The following LRRC14 variants were observed in gnomAD, a reference collection of about 807,000 sequenced individuals.
The protein encoded by LRRC14 is leucine rich repeat containing 14.
A neutral mutation model predicts 25.3 loss-of-function variants in LRRC14; 16 were observed. That is an observed-to-expected ratio of 0.63 (90% CI 0.43 to 0.96). LRRC14 has a LOEUF of 0.96. Ranked by LOEUF, LRRC14 falls within the 40% of genes least tolerant of loss-of-function variation. The pLI is 0.00. For synonymous variants in LRRC14, 359 were observed against 295.1 expected (o/e 1.22, Z -2.22); for missense variants, 594 against 660.5 (o/e 0.90, Z 1.10).
In LRRC14 at chr8:144,521,300, A is replaced by G. The variant is rs769132507; in HGVS notation, c.1304A>G (p.Tyr435Cys). 6 of 1,613,000 alleles carry G rather than the reference A, an allele frequency of 3.7e-6. No homozygotes were observed. Among genetic ancestry groups the G allele is most frequent in the East Asian group, 2.2e-5 (1 of 44,878 alleles). The change falls in exon 4 of 4, where the codon TAT becomes TGT. Residue 435 changes from tyrosine (Y) to cysteine (C), a missense_variant. Tyr to Cys is a radical substitution (Grantham distance 194). Coordinates refer to ENST00000292524, the MANE Select transcript of LRRC14 (RefSeq NM_014665.4). ...TVVHPFPVDC[Y>C]EGLPWPPPAS... ...GTGCACCCCTTCCCTGTGGACTGCT[A>G]TGAGGGCTTGCCCTGGCCGCCGCCT...
Position 144,522,496 on chromosome 8 carries a change from GAC to G in LRRC14, c.*1019_*1020del. The G allele has an allele frequency of 6.7e-7, 1 of 1,495,848 alleles. No individual in the cohort carries two copies. The allele number at this position is 1,495,848 out of a possible 1,614,324, so 92.7% of individuals were successfully genotyped here. A position where few individuals can be genotyped will look rare whatever the true frequency, so the allele number is the denominator to read the frequency against. On this transcript the variant is annotated 3_prime_UTR_variant, in exon 4 of 4. Transcript: ENST00000292524. ...GGCCCTAGCAGTGGATCTCGTAGGC[GAC>G]CGGCGGGGGCACGCGGAGTCCCGGC...
chr8:144,522,500 GGCGGGGGCACGCGGA>G lies in LRRC14; in HGVS notation c.*1024_*1038del. The G allele has an allele frequency of 6.7e-7, 1 of 1,494,664 alleles. No homozygotes were observed. 92.6% of individuals were successfully genotyped at this position (1,494,664 alleles called of 1,614,324 possible). A position where few individuals can be genotyped will look rare whatever the true frequency, so the allele number is the denominator to read the frequency against. ...CTAGCAGTGGATCTCGTAGGCGACC[GGCGGGGGCACGCGGA>G]GTCCCGGCCCCGCCCCCTGTTCCGG... On this transcript the variant is annotated 3_prime_UTR_variant, in exon 4 of 4. Coordinates refer to ENST00000292524, the MANE Select transcript of LRRC14 (RefSeq NM_014665.4).
In LRRC14 at chr8:144,524,637, A is replaced by C; in HGVS notation, c.*3159A>C. On this transcript the variant is annotated 3_prime_UTR_variant, in exon 4 of 4. Transcript: ENST00000292524. ...CAGGGCGCGCAGGCTGTTGTTGTGC[A>C]GGTAGAGCCGGCGCAGAGCGGCGAG... The C allele has an allele frequency of 6.6e-7, 1 of 1,516,716 alleles. No homozygotes were observed. The highest frequency in any genetic ancestry group is 8.8e-7 in the Non-Finnish European group (1 of 1,140,778). The allele number at this position is 1,516,716 out of a possible 1,614,324, so 94.0% of individuals were successfully genotyped here.
Position 144,521,345 on chromosome 8 carries a change from C to T in LRRC14, c.1349C>T (p.Ala450Val), listed in dbSNP as rs767442883. The change falls in exon 4 of 4, where the codon GCC becomes GTC. Residue 450 changes from alanine (A) to valine (V), a missense_variant. Coordinates refer to ENST00000292524, the MANE Select transcript of LRRC14 (RefSeq NM_014665.4). Reference protein sequence around the residue: ...WPPPASVLLEASINEEKFARV... With the variant: ...WPPPASVLLEVSINEEKFARV... ...CCGCCTGCCTCTGTCCTGCTGGAGG[C>T]CTCCATCAATGAGGAGAAGTTTGCC... The T allele has an allele frequency of 1.9e-6, 3 of 1,613,014 alleles. No individual in the cohort carries two copies. The highest frequency in any genetic ancestry group is 1.1e-5 in the South Asian group (1 of 91,080).
At position 144,520,240 on chromosome 8, in the gene LRRC14, A is replaced by G; in HGVS notation, c.332A>G (p.Lys111Arg). 1 of 1,607,174 alleles carries G rather than the reference A, an allele frequency of 6.2e-7. No individual in the cohort carries two copies. Among genetic ancestry groups the G allele is most frequent in the Non-Finnish European group, 8.5e-7 (1 of 1,179,700 alleles). Residue 111 changes from lysine (K) to arginine (R), a missense_variant and splice_region_variant, in exon 3 of 4, where the codon AAG becomes AGG. Lys to Arg is a conservative substitution (Grantham distance 26). Coordinates refer to ENST00000292524, the MANE Select transcript of LRRC14 (RefSeq NM_014665.4). ...PGASTQPLCRKHALRVLDMTG... is the reference protein window; with the variant it reads ...PGASTQPLCRRHALRVLDMTG... ...CCTCACACCATTCCTACTCCCAGGA[A>G]GCATGCGCTGCGGGTGCTGGACATG...
rs565084323 is a variant in LRRC14, at chr8:144,522,496, G to C, written c.*1018G>C. Reference sequence around the variant, plus strand: ...GGCCCTAGCAGTGGATCTCGTAGGCGACCGGCGGGGGCACGCGGAGTCCCG... The same window carrying C: ...GGCCCTAGCAGTGGATCTCGTAGGCCACCGGCGGGGGCACGCGGAGTCCCG... On this transcript the variant is annotated 3_prime_UTR_variant, in exon 4 of 4. Coordinates refer to ENST00000292524, the MANE Select transcript of LRRC14 (RefSeq NM_014665.4). 2 of 1,495,722 alleles carry C rather than the reference G, an allele frequency of 1.3e-6. No individual in the cohort carries two copies. The highest frequency in any genetic ancestry group is 1.4e-5 in the African/African-American group (1 of 69,062). 92.7% of individuals were successfully genotyped at this position (1,495,722 alleles called of 1,614,324 possible). A position where few individuals can be genotyped will look rare whatever the true frequency, so the allele number is the denominator to read the frequency against.
rs368565592 is a variant in LRRC14 at position 144,522,573 on chromosome 8, C to A, written c.*1095C>A. ...TCAGCGGGCGCCTCCGCCGGACCCT[C>A]GGCGAAGAGCGGCTTGGAGCGGTTG... On this transcript the variant is annotated 3_prime_UTR_variant, in exon 4 of 4. Transcript: ENST00000292524. The A allele has an allele frequency of 5.1e-6, 8 of 1,553,966 alleles. No homozygotes were observed. The highest frequency in any genetic ancestry group is 6.9e-6 in the Non-Finnish European group (8 of 1,152,276).
In LRRC14 at chr8:144,521,313, C is replaced by T. The variant is rs1586849955; in HGVS notation, c.1317C>T (p.Pro439=). The T allele has an allele frequency of 6.2e-7, 1 of 1,612,996 alleles. No individual in the cohort carries two copies. Among genetic ancestry groups the T allele is most frequent in the East Asian group, 2.2e-5 (1 of 44,888 alleles). The change falls in exon 4 of 4, where the codon CCC becomes CCT. Residue 439 remains proline (P), a synonymous_variant. Transcript: ENST00000292524. ...PFPVDCYEGL[P]WPPPASVLLE... is the part of the protein sequence containing the mutation. ...CTGTGGACTGCTATGAGGGCTTGCC[C>T]TGGCCGCCGCCTGCCTCTGTCCTGC...
Position 144,522,282 on chromosome 8 carries a change from G to T in LRRC14, c.*804G>T, listed in dbSNP as rs1366250562. The T allele has an allele frequency of 3.9e-6, 3 of 768,918 alleles. No individual in the cohort carries two copies. Among genetic ancestry groups the T allele is most frequent in the African/African-American group, 3.7e-5 (2 of 54,298 alleles). 47.6% of individuals were successfully genotyped at this position (768,918 alleles called of 1,614,324 possible). ...GTTGGGGTGATGTCTTTTCGGAAGA[G>T]CTTCAAGGGAGGTGTTGGGGCCTCC... On this transcript the variant is annotated 3_prime_UTR_variant, in exon 4 of 4. Transcript: ENST00000292524.
In LRRC14 at chr8:144,525,014, A is replaced by T. The variant is rs542846631; in HGVS notation, c.*3536A>T. 1.5e-5 allele frequency: 21 copies of T among 1,403,930 alleles called. No homozygotes were observed. The highest frequency in any genetic ancestry group is 1.8e-5 in the Non-Finnish European group (20 of 1,082,290). The allele number at this position is 1,403,930 out of a possible 1,614,324, so 87.0% of individuals were successfully genotyped here. Reference sequence around the variant, plus strand: ...TTCCTCACCGGCCCTTCCGCGGTTCAGCCGCAGACGCGTGCCCTCCTGAAA... The same window carrying T: ...TTCCTCACCGGCCCTTCCGCGGTTCTGCCGCAGACGCGTGCCCTCCTGAAA... On this transcript the variant is annotated 3_prime_UTR_variant, in exon 4 of 4. Coordinates refer to ENST00000292524, the MANE Select transcript of LRRC14 (RefSeq NM_014665.4).
At position 144,524,738 on chromosome 8, in the gene LRRC14, G is replaced by C; in HGVS notation, c.*3260G>C. The C allele has an allele frequency of 6.9e-7, 1 of 1,441,584 alleles. No individual in the cohort carries two copies. Among genetic ancestry groups the C allele is most frequent in the Non-Finnish European group, 9.1e-7 (1 of 1,104,240 alleles). 89.3% of individuals were successfully genotyped at this position (1,441,584 alleles called of 1,614,324 possible). On this transcript the variant is annotated 3_prime_UTR_variant, in exon 4 of 4. Coordinates refer to ENST00000292524, the MANE Select transcript of LRRC14 (RefSeq NM_014665.4). Reference sequence around the variant, plus strand: ...ACAGTGTCTGCAGGCCGGGGAAAGAGGAGGCGCTTACCCCGTTGCGGGGGT... The same window carrying C: ...ACAGTGTCTGCAGGCCGGGGAAAGACGAGGCGCTTACCCCGTTGCGGGGGT...
rs201638765 is a variant in LRRC14, at chr8:144,524,157, C to T, written c.*2679C>T. 91 of 1,610,068 alleles carry T rather than the reference C, an allele frequency of 5.7e-5. No homozygotes were observed. The highest frequency in any genetic ancestry group is 2.2e-5 in the East Asian group (1 of 44,800). ...ACTGGCCAGGGGCTGCAGGGCCTCTCGGCTGATGGTGCCCAGCTGGTTCCT... is the reference window on the plus strand; with the variant it reads ...ACTGGCCAGGGGCTGCAGGGCCTCTTGGCTGATGGTGCCCAGCTGGTTCCT... On this transcript the variant is annotated 3_prime_UTR_variant, in exon 4 of 4. Coordinates refer to ENST00000292524, the MANE Select transcript of LRRC14 (RefSeq NM_014665.4).
At position 144,519,950 on chromosome 8, in the gene LRRC14, C is replaced by G; in HGVS notation, c.225C>G (p.Leu75=). ...LQECAHCSRA[L]LQERPSTESM... is the part of the protein sequence containing the mutation. ...AGTGTGCCCACTGCAGCCGTGCCCTCCTGCAGGAGCGGCCTAGCACTGAGA... is the reference window on the plus strand; with the variant it reads ...AGTGTGCCCACTGCAGCCGTGCCCTGCTGCAGGAGCGGCCTAGCACTGAGA... Residue 75 remains leucine (L), a synonymous_variant, in exon 2 of 4, where the codon CTC becomes CTG. Transcript: ENST00000292524. 1.2e-6 allele frequency: 2 copies of G among 1,613,200 alleles called. No homozygotes were observed. Among genetic ancestry groups the G allele is most frequent in the Non-Finnish European group, 1.7e-6 (2 of 1,180,026 alleles).
In LRRC14 at chr8:144,521,389, C is replaced by T. The variant is rs1564821186; in HGVS notation, c.1393C>T (p.His465Tyr). ...GTTTGCCCGCGTAGAAGCTGAGTTG[C>T]ACCAGCTGCTTCTAGCCTCAGGCCG... ...EKFARVEAEL[H>Y]QLLLASGRAH... Residue 465 changes from histidine to tyrosine, a missense_variant, in exon 4 of 4, where the codon CAC (histidine) becomes TAC (tyrosine). By Grantham distance (83) the His-to-Tyr change is moderately conservative. Transcript: ENST00000292524. The T allele has an allele frequency of 6.2e-7, 1 of 1,612,192 alleles. No individual in the cohort carries two copies.
chr8:144,522,694 C>T lies in LRRC14; in HGVS notation c.*1216C>T, dbSNP rs757113946. On this transcript the variant is annotated 3_prime_UTR_variant, in exon 4 of 4. Coordinates refer to ENST00000292524, the MANE Select transcript of LRRC14 (RefSeq NM_014665.4). Reference sequence around the variant, plus strand: ...AGTAGTCGTTGACGAACAGCGCTCCCTCCCCCGGAGGCCCCCGCGCCTTTT... The same window carrying T: ...AGTAGTCGTTGACGAACAGCGCTCCTTCCCCCGGAGGCCCCCGCGCCTTTT... The T allele has an allele frequency of 6.3e-7, 1 of 1,597,144 alleles. No homozygotes were observed. Among genetic ancestry groups the T allele is most frequent in the Non-Finnish European group, 8.5e-7 (1 of 1,173,014 alleles).
chr8:144,523,310 C>T lies in LRRC14; in HGVS notation c.*1832C>T. 1.2e-6 allele frequency: 2 copies of T among 1,610,368 alleles called. No homozygotes were observed. Among genetic ancestry groups the T allele is most frequent in the Admixed American group, 1.7e-5 (1 of 59,672 alleles). On this transcript the variant is annotated 3_prime_UTR_variant, in exon 4 of 4. Transcript: ENST00000292524. ...GAGCGCCAGGCGCGGGGGCTCTGCA[C>T]ACATGATCTTCCTGTCCCTGGAGGT...
chr8:144,524,260 G>A lies in LRRC14; in HGVS notation c.*2782G>A, dbSNP rs1046391871. ...AGCAGCTCAATGCTGTTTTCTTGCAGGTGAAGCTCCTGCAGTCGCTGAAGT... is the reference window on the plus strand; with the variant it reads ...AGCAGCTCAATGCTGTTTTCTTGCAAGTGAAGCTCCTGCAGTCGCTGAAGT... On this transcript the variant is annotated 3_prime_UTR_variant, in exon 4 of 4. Coordinates refer to ENST00000292524, the MANE Select transcript of LRRC14 (RefSeq NM_014665.4). 3 of 1,612,346 alleles carry A rather than the reference G, an allele frequency of 1.9e-6. No homozygotes were observed. The highest frequency in any genetic ancestry group is 1.7e-5 in the Admixed American group (1 of 60,022).
Position 144,522,941 on chromosome 8 carries a change from C to T in LRRC14, c.*1463C>T, listed in dbSNP as rs750603555. 5.8e-6 allele frequency: 9 copies of T among 1,557,590 alleles called. No homozygotes were observed. Among genetic ancestry groups the T allele is most frequent in the Admixed American group, 5.4e-5 (3 of 55,288 alleles). On this transcript the variant is annotated 3_prime_UTR_variant, in exon 4 of 4. Transcript: ENST00000292524. ...CTGCCGGGACGCGTTGACCAGGAGC[C>T]GGAAGGGCACGCGGGCAGCGCCGCC...
chr8:144,523,312 C>T lies in LRRC14; in HGVS notation c.*1834C>T. On this transcript the variant is annotated 3_prime_UTR_variant, in exon 4 of 4. Coordinates refer to ENST00000292524, the MANE Select transcript of LRRC14 (RefSeq NM_014665.4). ...GCGCCAGGCGCGGGGGCTCTGCACA[C>T]ATGATCTTCCTGTCCCTGGAGGTGA... 6.2e-7 allele frequency: 1 copy of T among 1,609,940 alleles called. No homozygotes were observed. The highest frequency in any genetic ancestry group is 8.5e-7 in the Non-Finnish European group (1 of 1,178,368).
Sources: gnomAD v4.1 joint callset for allele counts on GRCh38, gnomAD v4.1.1 for gene constraint, MANE v1.5 for transcripts, NCBI Gene and HGNC (gene_info 2026-07-23, HGNC 2026-07-21) for gene names.